Variants in NOL4 observed in about 807,000 individuals in gnomAD.
NOL4 encodes the protein nucleolar protein 4.
A neutral mutation model predicts 75.9 loss-of-function variants in NOL4; 17 were observed. The observed-to-expected ratio is 0.22, with a 90% CI of 0.15 to 0.34. NOL4 has a LOEUF of 0.34. Among genes scored for constraint, NOL4 ranks in the 10% least tolerant of loss-of-function variants. The pLI is 1.00. For synonymous variants in NOL4, 292 were observed against 289.9 expected (o/e 1.01, Z -0.07); for missense variants, 614 against 793.5 (o/e 0.77, Z 2.72).
At chr18:34,028,982 C>T (rs1299202192) in intron 5 of NOL4, among the ~76,000 whole-genome samples, 1 of 152,146 alleles carries the variant, frequency 6.6e-6, no homozygotes. Context: ...TTCCTCCTTT[C>T]CTTCCTTTTT....
intron 1 of NOL4, among the ~76,000 whole-genome samples, chr18:34,209,472 A>G (rs2146546781): frequency 6.6e-6 from 1 of 152,294 alleles, no homozygotes; most frequent in Non-Finnish European, 1.5e-5. Flanking sequence ...CAGGATGGCA[A>G]GAGAACTGAA....
intron 1 of NOL4, among the ~76,000 whole-genome samples, chr18:34,164,360 T>A (rs1217877999): frequency 6.6e-6 from 1 of 151,712 alleles, no homozygotes; most frequent in Non-Finnish European, 1.5e-5. Context: ...AGGGCTAATA[T>A]CCAGAATCTA....
At chr18:34,066,251 T>C (rs1256092190) in intron 5 of NOL4, among the ~76,000 whole-genome samples, 1 of 151,996 alleles carries the variant, frequency 6.6e-6, no homozygotes, top group Non-Finnish European at 1.5e-5. Flanking sequence ...GGTAAAACAG[T>C]CATTCTTTAT....
intron 9 of NOL4, among the ~76,000 whole-genome samples, chr18:33,897,160 G>A (rs1301565191): frequency 6.6e-6 from 1 of 152,186 alleles, no homozygotes; most frequent in Non-Finnish European, 1.5e-5. Context: ...CTTACACCTT[G>A]TTGGTGGGGG....
intron 1 of NOL4, among the ~76,000 whole-genome samples, chr18:34,162,543 A>C (rs2031666155): frequency 2.0e-5 from 3 of 152,244 alleles, no homozygotes; most frequent in Admixed American, 2.0e-4. Context: ...ACCAGGAAGA[A>C]GTTGAATCTC....
At position 34,166,962 on chromosome 18, in the gene NOL4, C is replaced by T. The variant is rs2032428159; in HGVS notation, c.265-36942G>A. Among the ~76,000 whole-genome samples the T allele has an allele frequency of 7.1e-5, 5 of 70,476 alleles. 2 individuals carry two copies. The South Asian group carries it at 1.6e-3, about 23-fold the overall frequency. The allele number at this position is 70,476 out of a possible 152,430, so 46.2% of individuals were successfully genotyped here. Reference sequence around the variant, plus strand: ...CTGAGGCAGGAGAATGGCGTGAACCCGGGAAGCGGAGCTTGCAGTGAGCCG... The same window carrying T: ...CTGAGGCAGGAGAATGGCGTGAACCTGGGAAGCGGAGCTTGCAGTGAGCCG... On this transcript the variant is annotated intron_variant, in intron 1 of 10. Coordinates refer to ENST00000261592, the MANE Select transcript of NOL4 (RefSeq NM_003787.5).
intron 6 of NOL4, among the ~76,000 whole-genome samples, chr18:33,972,617 T>G (rs1335856762): frequency 6.6e-6 from 1 of 152,208 alleles, no homozygotes; most frequent in Non-Finnish European, 1.5e-5. Flanking sequence ...TCTGGGTATA[T>G]ACAGGCATAC....
In NOL4 at chr18:34,029,066, C is replaced by T. The variant is rs117866484; in HGVS notation, c.773-9465G>A. 5.0e-3 allele frequency among the ~76,000 whole-genome samples: 757 copies of T among 152,180 alleles called. 3 individuals carry two copies. The highest frequency in any genetic ancestry group is 8.9e-3 in the Non-Finnish European group (602 of 68,016). On this transcript the variant is annotated intron_variant, in intron 5 of 10. Coordinates refer to ENST00000261592, the MANE Select transcript of NOL4 (RefSeq NM_003787.5). Reference sequence around the variant, plus strand: ...TCAGAGAAAGCCAAGTAGGGAGACACGTAGAAACAGAAAAGATAAGGGAAC... The same window carrying T: ...TCAGAGAAAGCCAAGTAGGGAGACATGTAGAAACAGAAAAGATAAGGGAAC...
chr18:33,955,623 G>T (rs2069585957), intron 8 of NOL4, among the ~76,000 whole-genome samples: 1 of 151,924 alleles, frequency 6.6e-6, no homozygotes. Context: ...ACATATTAAG[G>T]TTCACAGTCC....
At chr18:33,951,816 A>C (rs1029644698) in intron 8 of NOL4, among the ~76,000 whole-genome samples, 1 of 152,088 alleles carries the variant, frequency 6.6e-6, no homozygotes, top group East Asian at 1.9e-4. Context: ...TCTTAATTCC[A>C]CTTTCATAGA....
intron 2 of NOL4, among the ~76,000 whole-genome samples, chr18:34,110,410 A>G (rs1273400314): frequency 6.6e-6 from 1 of 152,186 alleles, no homozygotes; most frequent in Non-Finnish European, 1.5e-5. Flanking sequence ...GATTCACCAC[A>G]TTAGCAGAAT....
At chr18:33,980,593 A>T (rs911077681) in intron 6 of NOL4, among the ~76,000 whole-genome samples, 1 of 151,964 alleles carries the variant, frequency 6.6e-6, no homozygotes. Flanking sequence ...TACCACCAAG[A>T]AGAGTGGAAA....
chr18:33,883,074 G>A (rs970111440), intron 10 of NOL4, among the ~76,000 whole-genome samples, 170 bp downstream of exon 10: 3 of 152,058 alleles, frequency 2.0e-5, no homozygotes, highest in African/African-American at 7.2e-5. Flanking sequence ...AGGGAGGGGG[G>A]AGCGATAGCA....
At chr18:33,887,129 T>C (rs2144753842) in intron 9 of NOL4, among the ~76,000 whole-genome samples, 1 of 143,856 alleles carries the variant, frequency 7.0e-6, no homozygotes, top group African/African-American at 2.5e-5. Flanking sequence ...ATATATTATA[T>C]CTAGATATAT....
chr18:34,220,039 C>G (rs1052509796), intron 1 of NOL4, among the ~76,000 whole-genome samples: 2 of 152,174 alleles, frequency 1.3e-5, no homozygotes, highest in East Asian at 1.9e-4. Context: ...TTGTAACTTG[C>G]TCGATTTTAT....
chr18:33,982,035 C>G (rs9950952), intron 6 of NOL4, among the ~76,000 whole-genome samples: 106,949 of 151,772 alleles, frequency 0.7, 38,093 homozygotes, highest in African/African-American at 0.79. Context: ...GCACTAGAAA[C>G]AGTAAAAATA....
At chr18:33,922,965 CTA>C (rs1465479235) in intron 9 of NOL4, among the ~76,000 whole-genome samples, 1 of 152,026 alleles carries the variant, frequency 6.6e-6, no homozygotes, top group East Asian at 1.9e-4. Flanking sequence ...TGTTTAAAAA[CTA>C]TAGAGTCAAC....
In NOL4 at chr18:33,888,742, T is replaced by A. The variant is rs558777247; in HGVS notation, c.1543-5318A>T. On this transcript the variant is annotated intron_variant, in intron 9 of 10. Transcript: ENST00000261592. ...TCAGATGGTTGTAGATGTGTGGTGT[T>A]ATTTCTGAGGCCTCTGCTCTGTTTC... is the stretch of plus-strand genomic sequence containing the variant. Among the ~76,000 whole-genome samples the A allele has an allele frequency of 1.8e-3, 281 of 152,240 alleles. 1 individual carries two copies. The highest frequency in any genetic ancestry group is 5.9e-3 in the African/African-American group (245 of 41,546).
intron 2 of NOL4, among the ~76,000 whole-genome samples, chr18:34,126,471 T>C (rs547356002): frequency 6.6e-6 from 1 of 152,278 alleles, no homozygotes; most frequent in Non-Finnish European, 1.5e-5. Context: ...TGTTTATACA[T>C]AGATATATGC....
Sources: allele counts gnomAD v4.1 joint callset (sites outside exome capture counted in the v4.1 genomes callset), GRCh38; gene constraint gnomAD v4.1.1; transcripts MANE v1.5; gene names NCBI Gene and HGNC (gene_info 2026-07-23, HGNC 2026-07-21).